NPNT: variants seen among roughly 807,000 people sequenced by gnomAD.
NPNT encodes nephronectin, also known as preosteoblast EGF-like repeat protein with MAM domain.
NPNT carries 45 observed loss-of-function variants against 68.6 expected under a neutral mutation model. The observed-to-expected ratio is 0.66, with a 90% CI of 0.52 to 0.84. The LOEUF (loss-of-function observed/expected upper bound fraction) is 0.84. Among genes scored for constraint, NPNT ranks in the 40% least tolerant of loss-of-function variants. The pLI is 0.00. For missense variants in NPNT, 672 were observed against 714.8 expected (o/e 0.94, Z 0.68); for synonymous variants, 233 against 253.3 (o/e 0.92, Z 0.76).
intron 8 of NPNT, among the ~76,000 whole-genome samples, chr4:105,955,526 G>A (rs1356376294): frequency 6.6e-6 from 1 of 151,626 alleles, no homozygotes; most frequent in African/African-American, 2.4e-5. Context: ...GATGTCTTAG[G>A]TAAGTTTTTT....
At chr4:105,936,876 C>T (rs900683408) in intron 3 of NPNT, 133 bp from the exon 4 acceptor site, 2 of 857,980 alleles carry the variant, frequency 2.3e-6, no homozygotes, top group African/African-American at 1.7e-5. Context: ...GGATCTATCT[C>T]TTATGTAAAT....
Position 105,940,092 on chromosome 4 carries a change from A to G in NPNT, c.523A>G (p.Thr175Ala). Residue 175 changes from threonine to alanine, a missense_variant, in exon 6 of 12, where the codon ACA (threonine) becomes GCA (alanine). Coordinates refer to ENST00000379987, the MANE Select transcript of NPNT (RefSeq NM_001033047.3). ...RTCVDVDECA[T>A]GRASCPRFRQ... ...GTTTCTAGATGTTGATGAATGTGCT[A>G]CAGGAAGAGCCTCCTGCCCTAGATT... The G allele has an allele frequency of 6.2e-7, 1 of 1,613,338 alleles. No individual in the cohort carries two copies. Among genetic ancestry groups the G allele is most frequent in the Non-Finnish European group, 8.5e-7 (1 of 1,179,406 alleles).
chr4:105,930,022 C>T (rs941621933), intron 3 of NPNT, among the ~76,000 whole-genome samples: 4 of 152,294 alleles, frequency 2.6e-5, no homozygotes, highest in Admixed American at 6.5e-5. Flanking sequence ...TGGGATTTTA[C>T]ACCTGCAAAA....
intron 3 of NPNT, among the ~76,000 whole-genome samples, chr4:105,928,931 A>AG (rs1193432326): frequency 2.5e-4 from 7 of 27,576 alleles, no homozygotes; most frequent in Non-Finnish European, 5.1e-4. Flanking sequence ...TTATAGACAC[A>AG]GTTTTTTTTC....
At chr4:105,940,381 C>T in intron 6 of NPNT, 133 bp from the exon 7 acceptor site, 1 of 1,062,168 alleles carries the variant, frequency 9.4e-7, no homozygotes, top group East Asian at 2.4e-5. Flanking sequence ...TAGTTTATTT[C>T]TTCTGTTTAT....
intron 2 of NPNT, among the ~76,000 whole-genome samples, chr4:105,924,752 T>G (rs1728561426): frequency 6.6e-6 from 1 of 151,760 alleles, no homozygotes; most frequent in Non-Finnish European, 1.5e-5. Flanking sequence ...GTCCAAAGGC[T>G]ACAGCCTGGG....
chr4:105,909,834 G>T (rs2069092), intron 2 of NPNT, among the ~76,000 whole-genome samples: 10,808 of 152,208 alleles, frequency 0.071, 685 homozygotes, highest in African/African-American at 0.17. Context: ...TCCCTTTTAT[G>T]CATGCACCTG....
In NPNT at chr4:105,926,456, AGCAGCATCCTTG is replaced by A. The variant is rs772967576; in HGVS notation, c.173-877_173-866del. The stretch of plus-strand genomic sequence containing the variant: ...GTTGTCTGAACATTTTAGGATGTTT[AGCAGCATCCTTG>A]GCGCCTATCCACTAGATACCAGTAG... On this transcript the variant is annotated intron_variant, in intron 2 of 11. Transcript: ENST00000379987. Among the ~76,000 whole-genome samples, 102 of 152,212 alleles carry A rather than the reference AGCAGCATCCTTG, an allele frequency of 6.7e-4. 1 individual carries two copies. In the Middle Eastern group the frequency reaches 0.014, roughly 20 times the overall value.
chr4:105,909,188 A>C (rs1452561192), intron 2 of NPNT, among the ~76,000 whole-genome samples: 1 of 152,230 alleles, frequency 6.6e-6, no homozygotes, highest in East Asian at 1.9e-4. Flanking sequence ...AGTTGATTTT[A>C]TATTGCATAT....
chr4:105,960,056 C>T (rs112169412), intron 10 of NPNT, among the ~76,000 whole-genome samples: 133 of 152,208 alleles, frequency 8.7e-4, no homozygotes, highest in African/African-American at 3.0e-3. Context: ...GTGATCTGCC[C>T]GCCTTGGCCT....
intron 2 of NPNT, among the ~76,000 whole-genome samples, chr4:105,900,834 G>GTTTTTTTT (rs765343668): frequency 1.0e-3 from 96 of 96,360 alleles, no homozygotes; most frequent in Middle Eastern, 6.0e-3. Flanking sequence ...ACCCTTGGTT[G>GTTTTTTTT]TTTTTTTTTT....
chr4:105,904,988 G>C (rs1000358489), intron 2 of NPNT, among the ~76,000 whole-genome samples: 16 of 151,834 alleles, frequency 1.1e-4, no homozygotes, highest in Admixed American at 1.1e-3. Context: ...CACCCACCTT[G>C]GTCTCCCAAA....
chr4:105,898,071 C>G, intron 2 of NPNT, 70 bp downstream of exon 2: 1 of 1,040,700 alleles, frequency 9.6e-7, no homozygotes, highest in South Asian at 1.5e-5. Flanking sequence ...TGGCTTCACC[C>G]CACATATCAG....
intron 8 of NPNT, among the ~76,000 whole-genome samples, chr4:105,948,390 A>T (rs1033795387): frequency 6.6e-6 from 1 of 152,210 alleles, no homozygotes; most frequent in Non-Finnish European, 1.5e-5. Context: ...TATGAGGTAC[A>T]TCACTTTGGA....
At chr4:105,918,499 AT>A (rs886141335) in intron 2 of NPNT, among the ~76,000 whole-genome samples, 161 of 152,334 alleles carry the variant, frequency 1.1e-3, no homozygotes, top group African/African-American at 3.8e-3. Context: ...TATGAAAGAT[AT>A]CTTTTATGTT....
At chr4:105,947,016 T>A (rs1379436712) in intron 8 of NPNT, among the ~76,000 whole-genome samples, 1 of 152,176 alleles carries the variant, frequency 6.6e-6, no homozygotes, top group East Asian at 1.9e-4. Flanking sequence ...CCAGAGCAGC[T>A]GTTTATAGAC....
intron 2 of NPNT, among the ~76,000 whole-genome samples, chr4:105,909,005 T>C (rs1727141978): frequency 6.6e-6 from 1 of 152,192 alleles, no homozygotes; most frequent in South Asian, 2.1e-4. Flanking sequence ...AAAATATTGT[T>C]CCAAAGTGTT....
At chr4:105,944,059 CT>C (rs1487742704) in intron 8 of NPNT, among the ~76,000 whole-genome samples, 1 of 152,088 alleles carries the variant, frequency 6.6e-6, no homozygotes, top group Non-Finnish European at 1.5e-5. Flanking sequence ...AAATTTTCTC[CT>C]CTGGGTAATT....
rs147962694 is a variant in NPNT, at chr4:105,957,831, G to A, written c.1160-640G>A. Among the ~76,000 whole-genome samples, 834 of 152,316 alleles carry A rather than the reference G, an allele frequency of 5.5e-3. 9 individuals carry two copies. The highest frequency in any genetic ancestry group is 0.019 in the African/African-American group (800 of 41,564). Reference sequence around the variant, plus strand: ...TTTTGGCAGGTTAATTAGCAGGAAAGAGAGCATTGGGTCTGAGACGTGAAA... The same window carrying A: ...TTTTGGCAGGTTAATTAGCAGGAAAAAGAGCATTGGGTCTGAGACGTGAAA... On this transcript the variant is annotated intron_variant, in intron 8 of 11. Transcript: ENST00000379987.
Sources: gnomAD v4.1 joint callset for allele counts (sites outside exome capture counted in the v4.1 genomes callset) on GRCh38, gnomAD v4.1.1 for gene constraint, MANE v1.5 for transcripts, NCBI Gene and HGNC (gene_info 2026-07-23, HGNC 2026-07-21) for gene names.